WDR70: variants seen among roughly 807,000 people sequenced by gnomAD.
WDR70 encodes the protein WD repeat-containing protein 70.
In WDR70, 53 loss-of-function variants were observed where a neutral mutation model predicts 88.6. The observed-to-expected ratio is 0.60, with a 90% CI of 0.48 to 0.75. The LOEUF (loss-of-function observed/expected upper bound fraction) is 0.75, where lower values mean the gene tolerates loss of function less well. Ranked by LOEUF, WDR70 falls within the 30% of genes least tolerant of loss-of-function variation. The pLI, the probability that WDR70 is intolerant of heterozygous loss-of-function variation, is 0.00. For missense variants in WDR70, 610 were observed against 823.2 expected (o/e 0.74, Z 3.17); for synonymous variants, 280 against 270.0 (o/e 1.04, Z -0.36).
chr5:37,511,296 G>A lies in WDR70; in HGVS notation c.841-5218G>A, dbSNP rs186632132. On this transcript the variant is annotated intron_variant, in intron 8 of 17. Coordinates refer to ENST00000265107, the MANE Select transcript of WDR70 (RefSeq NM_018034.4). ...TTTATTATATTAGTATACACTCAAT[G>A]GTCCTTGTTTTAGTGAATGGTTTAT... Among the ~76,000 whole-genome samples the A allele has an allele frequency of 4.6e-5, 7 of 152,206 alleles. No homozygotes were observed. The East Asian group carries it at 1.2e-3, about 25-fold the overall frequency.
intron 9 of WDR70, among the ~76,000 whole-genome samples, chr5:37,524,456 G>T (rs1390793760): frequency 6.6e-6 from 1 of 152,160 alleles, no homozygotes; most frequent in Admixed American, 6.5e-5. Context: ...CACCAGGCCT[G>T]CCCTACAAGA....
intron 17 of WDR70, among the ~76,000 whole-genome samples, chr5:37,746,533 A>G (rs1181425130): frequency 1.3e-5 from 2 of 152,212 alleles, no homozygotes; most frequent in Non-Finnish European, 2.9e-5. Flanking sequence ...TAGCTAGACT[A>G]ATAAGAAGAG....
intron 10 of WDR70, among the ~76,000 whole-genome samples, chr5:37,611,580 T>C (rs1448749822): frequency 1.3e-5 from 2 of 152,072 alleles, no homozygotes; most frequent in African/African-American, 4.8e-5. Context: ...ATTTTTAGCA[T>C]ATAATGTTTT....
intron 17 of WDR70, among the ~76,000 whole-genome samples, chr5:37,744,108 T>A (rs1474917996): frequency 1.3e-5 from 2 of 152,054 alleles, no homozygotes; most frequent in Admixed American, 1.3e-4. Context: ...GAGTGACATC[T>A]CCAGGCATGG....
rs978117178 is a variant in WDR70, at chr5:37,726,833, A to G, written c.1715-50A>G. On this transcript the variant is annotated intron_variant, in intron 16 of 17. Coordinates refer to ENST00000265107, the MANE Select transcript of WDR70 (RefSeq NM_018034.4). ...ACAGTGTACACAGATATACCTATGT[A>G]TCCTCATGCTCATTCAGTTTCTAAT... 3.9e-6 allele frequency: 6 copies of G among 1,541,168 alleles called. No individual in the cohort carries two copies. The East Asian group carries it at 1.1e-4, about 29-fold the overall frequency.
intron 13 of WDR70, among the ~76,000 whole-genome samples, chr5:37,706,433 G>A (rs1747322079): frequency 6.6e-6 from 1 of 152,120 alleles, no homozygotes; most frequent in Non-Finnish European, 1.5e-5. Flanking sequence ...TTGTGGGAAG[G>A]ACCTGGTGGG....
At chr5:37,741,812 C>T (rs1269368970) in intron 17 of WDR70, among the ~76,000 whole-genome samples, 1 of 152,144 alleles carries the variant, frequency 6.6e-6, no homozygotes, top group Non-Finnish European at 1.5e-5. Flanking sequence ...CTTTTTAACT[C>T]TATGGATTTG....
intron 9 of WDR70, among the ~76,000 whole-genome samples, chr5:37,602,926 G>A (rs967049729): frequency 7.2e-5 from 11 of 152,058 alleles, no homozygotes; most frequent in Admixed American, 5.9e-4. Flanking sequence ...GCAGTGAGCC[G>A]AGATTGCGCC....
At chr5:37,709,308 A>C (rs1241894871) in intron 13 of WDR70, among the ~76,000 whole-genome samples, 1 of 152,210 alleles carries the variant, frequency 6.6e-6, no homozygotes, top group Admixed American at 6.5e-5. Context: ...TATTATTTTG[A>C]ATAACATGAT....
intron 17 of WDR70, among the ~76,000 whole-genome samples, chr5:37,735,282 A>G (rs1289736475): frequency 2.0e-5 from 3 of 152,096 alleles, no homozygotes; most frequent in African/African-American, 7.2e-5. Flanking sequence ...ATCTAAAGAT[A>G]TTTTTCTGCA....
At chr5:37,645,979 ATAAG>A (rs1163523487) in intron 10 of WDR70, among the ~76,000 whole-genome samples, 1 of 152,040 alleles carries the variant, frequency 6.6e-6, no homozygotes, top group African/African-American at 2.4e-5. Context: ...AATATTATTG[ATAAG>A]TAAGGAATTA....
intron 12 of WDR70, 50 bp from the exon 13 acceptor site, chr5:37,702,898 GA>G (rs1375968249): frequency 1.3e-6 from 2 of 1,543,810 alleles, no homozygotes; most frequent in Non-Finnish European, 1.8e-6. Context: ...ATGATTGCTG[GA>G]CTGTTGTGGA....
chr5:37,620,141 A>G (rs1744466249), intron 10 of WDR70: 1 of 152,202 alleles, frequency 6.6e-6, no homozygotes, highest in South Asian at 2.1e-4. Context: ...AGCTTTAGCC[A>G]ACAAAGTAAT....
At chr5:37,380,990 T>G (rs1748407679) in intron 2 of WDR70, among the ~76,000 whole-genome samples, 1 of 152,150 alleles carries the variant, frequency 6.6e-6, no homozygotes, top group African/African-American at 2.4e-5. Context: ...AGTGAGAAAG[T>G]TGTCCATATG....
chr5:37,413,408 C>A (rs1387323452), intron 5 of WDR70, among the ~76,000 whole-genome samples: 2 of 152,042 alleles, frequency 1.3e-5, no homozygotes, highest in Non-Finnish European at 2.9e-5. Flanking sequence ...AAAATTTTAT[C>A]TTAAGCTTTT....
intron 10 of WDR70, among the ~76,000 whole-genome samples, chr5:37,608,970 G>A (rs1265232618): frequency 1.3e-5 from 2 of 152,192 alleles, no homozygotes; most frequent in African/African-American, 2.4e-5. Context: ...CTAGTATATA[G>A]CAGACCTTCA....
At chr5:37,384,039 A>G (rs988354951) in intron 3 of WDR70, among the ~76,000 whole-genome samples, 3 of 152,024 alleles carry the variant, frequency 2.0e-5, no homozygotes, top group Non-Finnish European at 4.4e-5. Flanking sequence ...ACATCATTTT[A>G]CTCATAAATA....
At chr5:37,744,279 T>A (rs1440016460) in intron 17 of WDR70, among the ~76,000 whole-genome samples, 1 of 152,066 alleles carries the variant, frequency 6.6e-6, no homozygotes, top group African/African-American at 2.4e-5. Context: ...CAAGGGTCAG[T>A]AGCCTCGAAG....
chr5:37,581,812 G>T (rs6898024), intron 9 of WDR70, among the ~76,000 whole-genome samples: 1 of 152,052 alleles, frequency 6.6e-6, no homozygotes, highest in Non-Finnish European at 1.5e-5. Context: ...CAGCAGAGAG[G>T]CAAAGCTATC....
Sources: gnomAD v4.1 joint callset for allele counts (sites outside exome capture counted in the v4.1 genomes callset) on GRCh38, gnomAD v4.1.1 for gene constraint, MANE v1.5 for transcripts, NCBI Gene and HGNC (gene_info 2026-07-23, HGNC 2026-07-21) for gene names.